PROX1: variants seen among roughly 807,000 people sequenced by gnomAD.
The protein encoded by PROX1 is prospero homeobox protein 1.
A neutral mutation model predicts 58.8 loss-of-function variants in PROX1; 7 were observed. That is an observed-to-expected ratio of 0.12 (90% CI 0.07 to 0.22). The LOEUF (loss-of-function observed/expected upper bound fraction) is 0.22. Among genes scored for constraint, PROX1 ranks in the 10% least tolerant of loss-of-function variants. The probability of loss-of-function intolerance (pLI) is 1.00; values close to 1 mark genes in which losing one functional copy is unlikely to be tolerated. For missense variants in PROX1, 675 were observed against 927.8 expected, an observed-to-expected ratio of 0.73 and a Z score of 3.54; for synonymous variants, 350 against 358.3, an observed-to-expected ratio of 0.98 and a Z score of 0.26.
chr1:214,026,826 C>T (rs1571839725), intron 4 of PROX1, among the ~76,000 whole-genome samples: 2 of 152,290 alleles, frequency 1.3e-5, no homozygotes, highest in South Asian at 4.1e-4. Flanking sequence ...CCGTACACTG[C>T]AGACCAAAAT....
rs1419492134 is a variant in PROX1, at chr1:214,040,521, A to G, written c.*4687A>G. 6.6e-6 allele frequency: 1 copy of G among 152,202 alleles called. No individual in the cohort carries two copies. The highest frequency in any genetic ancestry group is 1.5e-5 in the Non-Finnish European group (1 of 68,022). 9.4% of individuals were successfully genotyped at this position (152,202 alleles called of 1,614,324 possible). A position where few individuals can be genotyped will look rare whatever the true frequency, so the allele number is the denominator to read the frequency against. ...TACGACTTCAAATTTAGAACTAAGA[A>G]AAAAATGTATTTGGGATTGGTCTCA... On this transcript the variant is annotated 3_prime_UTR_variant, in exon 5 of 5. Transcript: ENST00000366958.
chr1:214,019,380 A>G (rs1396938856), intron 4 of PROX1, among the ~76,000 whole-genome samples: 1 of 152,184 alleles, frequency 6.6e-6, no homozygotes, highest in African/African-American at 2.4e-5. Context: ...AGCAGAAGAC[A>G]GGGAGTTTGA....
intron 4 of PROX1, chr1:214,030,988 G>C (rs1444218229): frequency 6.6e-6 from 1 of 151,550 alleles, no homozygotes; most frequent in African/African-American, 2.4e-5. Flanking sequence ...CACTCATTCC[G>C]ATGGAAAAAA....
intron 1 of PROX1, chr1:213,989,630 C>T: frequency 6.6e-6 from 1 of 152,024 alleles, no homozygotes; most frequent in Non-Finnish European, 1.5e-5. Flanking sequence ...CTTGCCTGAG[C>T]AGATCAGGAG....
intron 2 of PROX1, among the ~76,000 whole-genome samples, chr1:214,002,659 C>T (rs370434881): frequency 3.9e-5 from 6 of 151,940 alleles, no homozygotes; most frequent in Admixed American, 1.3e-4. Context: ...GAGCTTAGCT[C>T]GTGTTCAGTA....
chr1:214,011,399 G>A, intron 3 of PROX1, 122 bp from the exon 4 acceptor site: 1 of 883,124 alleles, frequency 1.1e-6, no homozygotes, highest in East Asian at 2.7e-5. Context: ...TTTTGGTGGA[G>A]TTAAATACGT....
chr1:213,992,014 G>C (rs1043810144), intron 1 of PROX1, among the ~76,000 whole-genome samples: 14 of 152,286 alleles, frequency 9.2e-5, no homozygotes, highest in African/African-American at 3.4e-4. Context: ...AGGACATTTA[G>C]AGAGTTCAAT....
At chr1:214,011,790 C>G in intron 4 of PROX1, 75 bp downstream of exon 4, 1 of 1,296,820 alleles carries the variant, frequency 7.7e-7, no homozygotes, top group African/African-American at 1.5e-5. Flanking sequence ...AGAAATGTAC[C>G]CAAATCTGTT....
At position 214,005,165 on chromosome 1, in the gene PROX1, A is replaced by C; in HGVS notation, c.1726A>C (p.Met576Leu). 1 of 1,612,620 alleles carries C rather than the reference A, an allele frequency of 6.2e-7. No homozygotes were observed. Among genetic ancestry groups the C allele is most frequent in the Non-Finnish European group, 8.5e-7 (1 of 1,178,660 alleles). The change falls in exon 3 of 5, where the codon ATG becomes CTG. Residue 576 changes from methionine (M) to leucine (L), a missense_variant and splice_region_variant. By Grantham distance (15) the Met-to-Leu change is conservative (BLOSUM62 2). Around this residue, in one of 8 missense-constraint regions of PROX1, gnomAD observed 39 missense variants for 73.4 expected, o/e 0.53. Transcript: ENST00000366958. ...SEISPYSGSA[M>L]QEGLSPNHLK... is the part of the protein sequence containing the mutation. ...TTTTCCTTAACCAATTGCATCCTAC[A>C]TGCAGGAAGGATTGTCACCCAATCA...
At chr1:214,023,592 C>T (rs1473537857) in intron 4 of PROX1, among the ~76,000 whole-genome samples, 2 of 152,164 alleles carry the variant, frequency 1.3e-5, no homozygotes, top group African/African-American at 4.8e-5. Context: ...GCAAAAGCAA[C>T]ACCACCCTTT....
chr1:213,987,260 A>G (rs1461716946), upstream of PROX1, among the ~76,000 whole-genome samples: 10 of 152,298 alleles, frequency 6.6e-5, no homozygotes, highest in African/African-American at 2.4e-4. Flanking sequence ...AGCGGACCCG[A>G]TGTGAAACCT....
chr1:214,002,876 T>C (rs1663573822), intron 2 of PROX1, among the ~76,000 whole-genome samples: 1 of 152,244 alleles, frequency 6.6e-6, no homozygotes, highest in African/African-American at 2.4e-5. Flanking sequence ...CATTAGTTAT[T>C]TTTAATAGTT....
chr1:213,990,303 C>T (rs1289492888), intron 1 of PROX1, among the ~76,000 whole-genome samples: 1 of 151,554 alleles, frequency 6.6e-6, no homozygotes, highest in Non-Finnish European at 1.5e-5. Flanking sequence ...GTCTGTACAG[C>T]TCTAGACCAC....
intron 4 of PROX1, among the ~76,000 whole-genome samples, chr1:214,021,251 T>C (rs890980268): frequency 2.0e-5 from 3 of 152,240 alleles, no homozygotes; most frequent in Non-Finnish European, 4.4e-5. Context: ...TGTCAGAATA[T>C]ACCACTCCTT....
chr1:214,002,232 C>T (rs1194957749), intron 2 of PROX1, among the ~76,000 whole-genome samples: 1 of 152,124 alleles, frequency 6.6e-6, no homozygotes, highest in Non-Finnish European at 1.5e-5. Context: ...CCTCCCGTGG[C>T]TGCTGTTTAG....
At chr1:213,998,369 G>A (rs1663366349) in intron 2 of PROX1, 109 bp downstream of exon 2, 3 of 1,275,006 alleles carry the variant, frequency 2.4e-6, no homozygotes, top group Non-Finnish European at 3.1e-6. Flanking sequence ...TCTTAAGAAG[G>A]CAACCTTTCC....
At chr1:214,021,972 A>G (rs1664295122) in intron 4 of PROX1, among the ~76,000 whole-genome samples, 1 of 152,142 alleles carries the variant, frequency 6.6e-6, no homozygotes, top group African/African-American at 2.4e-5. Flanking sequence ...GCTCTGGGGG[A>G]AAGCTCCAGT....
intron 4 of PROX1, chr1:214,029,414 A>G (rs1003970449): frequency 4.6e-5 from 7 of 152,184 alleles, no homozygotes; most frequent in Non-Finnish European, 1.0e-4. Context: ...ATAGAGCACA[A>G]AAGAGACTCT....
At chr1:214,011,254 T>C (rs1249699676) in intron 3 of PROX1, among the ~76,000 whole-genome samples, 1 of 152,172 alleles carries the variant, frequency 6.6e-6, no homozygotes, top group Non-Finnish European at 1.5e-5. Flanking sequence ...ATAAAGATGT[T>C]CGGCTTAAGG....
Sources: gnomAD v4.1 joint callset for allele counts (sites outside exome capture counted in the v4.1 genomes callset) on GRCh38, gnomAD v4.1.1 for gene constraint, gnomAD v4.1.1 regional missense constraint, MANE v1.5 for transcripts, NCBI Gene and HGNC (gene_info 2026-07-23, HGNC 2026-07-21) for gene names.